CLEC16A: variants seen among roughly 807,000 people sequenced by gnomAD.
CLEC16A encodes the protein C-type lectin domain containing 16A.
A neutral mutation model predicts 109.5 loss-of-function variants in CLEC16A; 51 were observed. The observed-to-expected ratio is 0.47, with a 90% CI of 0.37 to 0.59. The LOEUF (loss-of-function observed/expected upper bound fraction) is 0.59, where lower values mean the gene tolerates loss of function less well. Among genes scored for constraint, CLEC16A ranks in the 20% least tolerant of loss-of-function variants. The probability of loss-of-function intolerance (pLI) is 0.00; values close to 1 mark genes in which losing one functional copy is unlikely to be tolerated. For synonymous variants in CLEC16A, 673 were observed against 564.2 expected (o/e 1.19, Z -2.73); for missense variants, 1,339 against 1,394.0 (o/e 0.96, Z 0.63).
intron 19 of CLEC16A, chr16:11,071,068 C>T (rs529520061): frequency 1.3e-5 from 2 of 152,342 alleles, no homozygotes; most frequent in South Asian, 4.1e-4. Context: ...GAGTGGAAGT[C>T]CCTGGCTATT....
chr16:11,062,594 C>T (rs1464680494), intron 19 of CLEC16A, among the ~76,000 whole-genome samples: 1 of 152,168 alleles, frequency 6.6e-6, no homozygotes, highest in Non-Finnish European at 1.5e-5. Context: ...GGAGGTCATG[C>T]GTGTGAAGAG....
intron 10 of CLEC16A, among the ~76,000 whole-genome samples, chr16:10,986,849 G>GTGTGTTTTGT (rs1326154165): frequency 1.3e-5 from 2 of 148,632 alleles, no homozygotes; most frequent in Non-Finnish European, 3.0e-5. Flanking sequence ...TTTTTTTTTG[G>GTGTGTTTTGT]TGTGTTTTGT....
chr16:11,116,684 G>A (rs1469565119), intron 19 of CLEC16A, among the ~76,000 whole-genome samples: 1 of 152,200 alleles, frequency 6.6e-6, no homozygotes, highest in Non-Finnish European at 1.5e-5. Context: ...AACTGAAAAA[G>A]GAGAGGGGGG....
intron 10 of CLEC16A, among the ~76,000 whole-genome samples, chr16:10,997,249 A>G (rs1297732170): frequency 1.3e-5 from 2 of 152,276 alleles, no homozygotes; most frequent in African/African-American, 4.8e-5. Context: ...GGCATGAGCC[A>G]CTGCGCCCAG....
chr16:11,074,072 T>C (rs1316750957), intron 19 of CLEC16A, among the ~76,000 whole-genome samples: 2 of 152,234 alleles, frequency 1.3e-5, no homozygotes, highest in South Asian at 2.1e-4. Flanking sequence ...TCTAAAAATG[T>C]AGATTGTTTT....
chr16:11,034,837 G>C (rs7185609), intron 13 of CLEC16A, among the ~76,000 whole-genome samples: 14,163 of 152,222 alleles, frequency 0.093, 2,279 homozygotes, highest in African/African-American at 0.32. Flanking sequence ...TGGCAAAGAA[G>C]CTATTGGGTT....
rs186567077 is a variant in CLEC16A at position 11,113,490 on chromosome 16, C to G, written c.2117-7125C>G. Among the ~76,000 whole-genome samples the G allele has an allele frequency of 2.4e-4, 37 of 152,158 alleles. No individual in the cohort carries two copies. In the East Asian group the frequency reaches 7.0e-3, roughly 29 times the overall value. ...CCTGGGCAACATGGCACAACCCCATCTCTACAAAAAATAAAGAATTAGCTG... is the reference window on the plus strand; with the variant it reads ...CCTGGGCAACATGGCACAACCCCATGTCTACAAAAAATAAAGAATTAGCTG... On this transcript the variant is annotated intron_variant, in intron 19 of 23. Coordinates refer to ENST00000409790, the MANE Select transcript of CLEC16A (RefSeq NM_015226.3).
rs149202678 is a variant in CLEC16A at position 11,136,752 on chromosome 16, G to A, written c.2641+10606G>A. ...TGAGGCCCCACAGCTCTCAGAGGCT[G>A]AGCCAGGGCTGGAGAAGAGCACAAA... On this transcript the variant is annotated intron_variant, in intron 22 of 23. Coordinates refer to ENST00000409790, the MANE Select transcript of CLEC16A (RefSeq NM_015226.3). Among the ~76,000 whole-genome samples, 14 of 152,350 alleles carry A rather than the reference G, an allele frequency of 9.2e-5. No individual in the cohort carries two copies. The East Asian group carries it at 2.7e-3, about 29-fold the overall frequency.
At chr16:11,171,160 G>A (rs919361372) in intron 23 of CLEC16A, among the ~76,000 whole-genome samples, 2 of 152,200 alleles carry the variant, frequency 1.3e-5, no homozygotes, top group African/African-American at 2.4e-5. Context: ...TCAGGGCCGC[G>A]GCCTATAGCC....
At chr16:11,039,304 C>A (rs1011793627) in intron 13 of CLEC16A, among the ~76,000 whole-genome samples, 1 of 152,116 alleles carries the variant, frequency 6.6e-6, no homozygotes, top group Non-Finnish European at 1.5e-5. Flanking sequence ...GGCTAGCATG[C>A]AAAAACATTT....
chr16:11,160,991 C>T (rs1418559989), intron 22 of CLEC16A, among the ~76,000 whole-genome samples: 1 of 152,196 alleles, frequency 6.6e-6, no homozygotes, highest in East Asian at 1.9e-4. Flanking sequence ...AGTCACTTGG[C>T]CACGACTAGC....
At chr16:11,087,493 A>G (rs1015004948) in intron 19 of CLEC16A, among the ~76,000 whole-genome samples, 2 of 152,224 alleles carry the variant, frequency 1.3e-5, no homozygotes, top group Non-Finnish European at 2.9e-5. Context: ...TTTTTATGCT[A>G]CCTATAGATA....
chr16:11,156,848 C>A (rs1036367902), intron 22 of CLEC16A, among the ~76,000 whole-genome samples: 1 of 151,984 alleles, frequency 6.6e-6, no homozygotes, highest in Non-Finnish European at 1.5e-5. Context: ...GCCATCCAAC[C>A]CTCTGTGGCC....
At chr16:11,027,213 C>G in intron 13 of CLEC16A, 1 of 1,428,244 alleles carries the variant, frequency 7.0e-7, no homozygotes, top group Non-Finnish European at 9.8e-7. Flanking sequence ...GCAGCAGAAA[C>G]CTGACAAGGT....
intron 5 of CLEC16A, 97 bp from the exon 6 acceptor site, chr16:10,972,457 C>G: frequency 9.2e-7 from 1 of 1,086,452 alleles, no homozygotes; most frequent in Non-Finnish European, 1.4e-6. Flanking sequence ...CTCTCTCCCT[C>G]TGAGCAGCTC....
In CLEC16A at chr16:11,051,451, C is replaced by T. The variant is rs1360928299; in HGVS notation, c.1867-62C>T. On this transcript the variant is annotated intron_variant, in intron 17 of 23. Coordinates refer to ENST00000409790, the MANE Select transcript of CLEC16A (RefSeq NM_015226.3). Reference sequence around the variant, plus strand: ...GGCGAGGGGCCTGTGCAACCTCCCCCGGCCCCTTCCTCCTTCCAAGTAAGG... The same window carrying T: ...GGCGAGGGGCCTGTGCAACCTCCCCTGGCCCCTTCCTCCTTCCAAGTAAGG... The T allele has an allele frequency of 1.5e-5, 24 of 1,560,218 alleles. 1 individual carries two copies. Among genetic ancestry groups the T allele is most frequent in the Admixed American group, 1.5e-4 (9 of 58,646 alleles).
chr16:11,140,444 GA>G (rs1276473974), intron 22 of CLEC16A, among the ~76,000 whole-genome samples: 1 of 152,172 alleles, frequency 6.6e-6, no homozygotes, highest in Admixed American at 6.5e-5. Flanking sequence ...TTTTTGGCCA[GA>G]TTTCCAGCAT....
At chr16:11,144,296 C>G (rs1245651732) in intron 22 of CLEC16A, among the ~76,000 whole-genome samples, 1 of 152,256 alleles carries the variant, frequency 6.6e-6, no homozygotes, top group Non-Finnish European at 1.5e-5. Context: ...ACAGCGGCCT[C>G]AGTCTCCTGT....
At chr16:11,040,161 C>T (rs1372141559) in intron 14 of CLEC16A, 11 of 382,028 alleles carry the variant, frequency 2.9e-5, no homozygotes, top group Admixed American at 1.3e-4. Flanking sequence ...TCAATGTTTT[C>T]GCCCCCACCC....
Sources: allele counts gnomAD v4.1 joint callset (sites outside exome capture counted in the v4.1 genomes callset), GRCh38; gene constraint gnomAD v4.1.1; transcripts MANE v1.5; gene names NCBI Gene and HGNC (gene_info 2026-07-23, HGNC 2026-07-21).